Variants in CELF6 observed in about 807,000 individuals in gnomAD.
The protein encoded by CELF6 is Bruno -like 6, RNA binding protein.
In CELF6, 32 loss-of-function variants were observed where a neutral mutation model predicts 53.1. The ratio of observed to expected loss-of-function variants is 0.60; its 90% confidence interval spans 0.46 to 0.81. The LOEUF (loss-of-function observed/expected upper bound fraction) is 0.81, where lower values mean the gene tolerates loss of function less well. CELF6 is among the 30% of genes least tolerant of loss of function. CELF6 has a pLI of 0.00. For missense variants in CELF6, 539 were observed against 669.5 expected, an observed-to-expected ratio of 0.81 and a Z score of 2.15; for synonymous variants, 291 against 288.8, an observed-to-expected ratio of 1.01 and a Z score of -0.08.
chr15:72,305,883 C>T (rs2088223561), intron 2 of CELF6, among the ~76,000 whole-genome samples: 1 of 148,926 alleles, frequency 6.7e-6, no homozygotes, highest in Non-Finnish European at 1.5e-5. Context: ...CCAACCTGAT[C>T]CTCCCAGTCA....
intron 11 of CELF6, among the ~76,000 whole-genome samples, chr15:72,287,655 G>T (rs2087940196): frequency 1.3e-5 from 2 of 152,158 alleles, no homozygotes; most frequent in South Asian, 4.1e-4. Flanking sequence ...TCCTGGCATG[G>T]GTTGGCTTTC....
intron 2 of CELF6, chr15:72,306,125 T>C: frequency 3.0e-6 from 3 of 984,234 alleles, no homozygotes; most frequent in Non-Finnish European, 3.6e-6. Context: ...AATTCATGAT[T>C]GAATCCCCAT....
chr15:72,288,961 G>A lies in CELF6; in HGVS notation c.1031-31C>T, dbSNP rs1331076898. The A allele has an allele frequency of 3.2e-6, 5 of 1,541,620 alleles. No homozygotes were observed. Among genetic ancestry groups the A allele is most frequent in the Non-Finnish European group, 3.5e-6 (4 of 1,139,906 alleles). ...GAGAGAGGGGCGCGAGGCCCACAGT[G>A]AAGGCAAGCGGGCGAGCAGAGTGGG... On this transcript the variant is annotated intron_variant, in intron 8 of 12. Transcript: ENST00000287202. The surrounding 1 kb of genome is among the most constrained non-coding windows in gnomAD (Gnocchi z 4.6).
intron 12 of CELF6, 32 bp downstream of exon 12, chr15:72,287,205 C>T: frequency 4.4e-6 from 7 of 1,587,090 alleles, no homozygotes; most frequent in Non-Finnish European, 6.0e-6. Flanking sequence ...ATCACTCAGG[C>T]CTCATCTACC....
At chr15:72,290,041 G>A (rs2087985165) in intron 4 of CELF6, 23 bp from the exon 5 acceptor site, 5 of 1,612,812 alleles carry the variant, frequency 3.1e-6, no homozygotes, top group Non-Finnish European at 4.2e-6. Flanking sequence ...AGAGGGAGCG[G>A]GTGGCTCAGG....
chr15:72,314,055 C>G (rs2063254510), intron 2 of CELF6, among the ~76,000 whole-genome samples: 2 of 152,178 alleles, frequency 1.3e-5, no homozygotes, highest in Admixed American at 1.3e-4. Context: ...CTCTCTGACT[C>G]AGGAGCTTGC....
rs1555470763 is a variant in CELF6 at position 72,319,536 on chromosome 15, A to AGGGCTGGGGCT, written c.262+66_262+76dup. 2 of 1,383,024 alleles carry AGGGCTGGGGCT rather than the reference A, an allele frequency of 1.4e-6. No individual in the cohort carries two copies. Among genetic ancestry groups the AGGGCTGGGGCT allele is most frequent in the Non-Finnish European group, 1.9e-6 (2 of 1,061,722 alleles). The allele number at this position is 1,383,024 out of a possible 1,614,324, so 85.7% of individuals were successfully genotyped here. On this transcript the variant is annotated intron_variant, in intron 1 of 12. Coordinates refer to ENST00000287202, the MANE Select transcript of CELF6 (RefSeq NM_052840.5). The surrounding 1 kb of genome is among the most constrained non-coding windows in gnomAD (Gnocchi z 5.0). ...TGTTGGACTGGCTCTCGGCAGGGCT[A>AGGGCTGGGGCT]GGGCTGGGGCTGGGCTGGGGTCGGG...
intron 2 of CELF6, among the ~76,000 whole-genome samples, chr15:72,310,043 C>A (rs1033818693): frequency 6.6e-6 from 1 of 152,168 alleles, no homozygotes; most frequent in Non-Finnish European, 1.5e-5. Context: ...GAAGGGAGAG[C>A]AAAACCCTAC....
At chr15:72,297,659 G>A (rs1020149899) in intron 3 of CELF6, among the ~76,000 whole-genome samples, 1 of 152,206 alleles carries the variant, frequency 6.6e-6, no homozygotes, top group African/African-American at 2.4e-5. Flanking sequence ...GACAAATACT[G>A]TATGATTCCA....
intron 3 of CELF6, among the ~76,000 whole-genome samples, chr15:72,303,721 C>T (rs2088186878): frequency 6.6e-6 from 1 of 152,150 alleles, no homozygotes. Flanking sequence ...CTGGAAGGAT[C>T]TAAGATGCAA....
At chr15:72,292,121 G>T in intron 3 of CELF6, 2 of 945,816 alleles carry the variant, frequency 2.1e-6, no homozygotes. Context: ...GAAAAGGAGG[G>T]GTGGAGTTCA....
chr15:72,301,044 C>T (rs1478817451), intron 3 of CELF6, among the ~76,000 whole-genome samples: 3 of 151,710 alleles, frequency 2.0e-5, no homozygotes, highest in Non-Finnish European at 2.9e-5. Context: ...AGTGCAGTAG[C>T]GCCATCTTAG....
Position 72,288,769 on chromosome 15 carries a change from G to A in CELF6, c.1093+99C>T, listed in dbSNP as rs1282841494. The A allele has an allele frequency of 7.3e-7, 1 of 1,362,290 alleles. No homozygotes were observed. The highest frequency in any genetic ancestry group is 1.4e-5 in the African/African-American group (1 of 69,346). The allele number at this position is 1,362,290 out of a possible 1,614,324, so 84.4% of individuals were successfully genotyped here. The stretch of plus-strand genomic sequence containing the variant: ...TTCTGGGGGTAGGAGGGGATGGGAG[G>A]ATCAACTCCTTGGAACAGAGCCTAA... On this transcript the variant is annotated intron_variant, in intron 9 of 12. Coordinates refer to ENST00000287202, the MANE Select transcript of CELF6 (RefSeq NM_052840.5). The surrounding 1 kb of genome is among the most constrained non-coding windows in gnomAD (Gnocchi z 4.6).
intron 1 of CELF6, among the ~76,000 whole-genome samples, chr15:72,318,164 T>C (rs1230300000): frequency 1.3e-5 from 2 of 152,224 alleles, no homozygotes; most frequent in East Asian, 3.9e-4. Flanking sequence ...GGGAGTGCAT[T>C]AGAAGGACTC....
rs1163795480 is a variant in CELF6 at position 72,285,834 on chromosome 15, C to T, written c.*537G>A. Reference sequence around the variant, plus strand: ...AATGAGACACAGAACAATCTTTCCACAGCCCCCATCTGCCTAGGCTGGGGC... The same window carrying T: ...AATGAGACACAGAACAATCTTTCCATAGCCCCCATCTGCCTAGGCTGGGGC... On this transcript the variant is annotated 3_prime_UTR_variant, in exon 13 of 13. Transcript: ENST00000287202. 1 of 152,668 alleles carries T rather than the reference C, an allele frequency of 6.6e-6. No homozygotes were observed. Among genetic ancestry groups the T allele is most frequent in the Non-Finnish European group, 1.5e-5 (1 of 68,042 alleles). The allele number at this position is 152,668 out of a possible 1,614,324, so 9.5% of individuals were successfully genotyped here. A position where few individuals can be genotyped will look rare whatever the true frequency, so the allele number is the denominator to read the frequency against.
chr15:72,304,695 A>T, intron 3 of CELF6, 51 bp downstream of exon 3: 1 of 1,560,482 alleles, frequency 6.4e-7, no homozygotes, highest in Non-Finnish European at 8.8e-7. Flanking sequence ...GTGTGGGCCC[A>T]CCCTCCCTTA....
At chr15:72,294,111 G>A (rs911135017) in intron 3 of CELF6, among the ~76,000 whole-genome samples, 2 of 152,162 alleles carry the variant, frequency 1.3e-5, no homozygotes, top group Non-Finnish European at 2.9e-5. Flanking sequence ...AAATGATGGG[G>A]TTGACATCCC....
chr15:72,299,904 C>T (rs1337442332), intron 3 of CELF6, among the ~76,000 whole-genome samples: 1 of 152,116 alleles, frequency 6.6e-6, no homozygotes, highest in South Asian at 2.1e-4. Context: ...CCCAGATGCA[C>T]CTCTGGTACT....
At chr15:72,312,049 A>C (rs1208597700) in intron 2 of CELF6, among the ~76,000 whole-genome samples, 1 of 152,182 alleles carries the variant, frequency 6.6e-6, no homozygotes, top group Non-Finnish European at 1.5e-5. Context: ...GGAAGTCAGG[A>C]ACAGGGAGAT....
Sources: allele counts gnomAD v4.1 joint callset (sites outside exome capture counted in the v4.1 genomes callset), GRCh38; gene constraint gnomAD v4.1.1; non-coding constraint Gnocchi (gnomAD v3.1); transcripts MANE v1.5; gene names NCBI Gene and HGNC (gene_info 2026-07-23, HGNC 2026-07-21).